INVS: variants seen among roughly 807,000 people sequenced by gnomAD.
INVS encodes inversion of embryo turning homolog.
Under a neutral mutation model 108.8 loss-of-function variants are expected in INVS, and 86 were observed. The observed-to-expected ratio is 0.79, with a 90% CI of 0.66 to 0.95. The LOEUF is 0.95. Among genes scored for constraint, INVS ranks in the 40% least tolerant of loss-of-function variants. The probability of loss-of-function intolerance (pLI) is 0.00; values close to 1 mark genes in which losing one functional copy is unlikely to be tolerated. For synonymous variants in INVS, 455 were observed against 473.5 expected, an observed-to-expected ratio of 0.96 and a Z score of 0.51; for missense variants, 1,169 against 1,297.4, an observed-to-expected ratio of 0.90 and a Z score of 1.52.
At position 100,292,807 on chromosome 9, in the gene INVS, G is replaced by C. The variant is rs1053930316; in HGVS notation, c.2550G>C (p.Gln850His). 7 of 1,614,044 alleles carry C rather than the reference G, an allele frequency of 4.3e-6. No homozygotes were observed. In the African/African-American group the frequency reaches 8.0e-5, roughly 18 times the overall value. Reference sequence around the variant, plus strand: ...GAGGGCTCTATTCACATTTGCCACAGAGCACAGAGGAGTTGAGGTCAGGAG... The same window carrying C: ...GAGGGCTCTATTCACATTTGCCACACAGCACAGAGGAGTTGAGGTCAGGAG... ...LTGGLYSHLP[Q>H]STEELRSGAR... Residue 850 changes from glutamine (Q) to histidine (H), a missense_variant, in exon 14 of 17, where the codon CAG becomes CAC. By Grantham distance (24) the Gln-to-His change is conservative (BLOSUM62 0). Coordinates refer to ENST00000262457, the MANE Select transcript of INVS (RefSeq NM_014425.5).
At chr9:100,150,828 T>C (rs957412977) in intron 3 of INVS, among the ~76,000 whole-genome samples, 12 of 152,150 alleles carry the variant, frequency 7.9e-5, no homozygotes, top group Non-Finnish European at 1.8e-4. Flanking sequence ...TCTTTGTACC[T>C]CCTTTAGCTG....
At chr9:100,297,465 C>T (rs1833823318) in intron 15 of INVS, among the ~76,000 whole-genome samples, 1 of 152,140 alleles carries the variant, frequency 6.6e-6, no homozygotes, top group Non-Finnish European at 1.5e-5. Context: ...CTTGAGTCTC[C>T]TCCTTGCATT....
chr9:100,191,150 G>GT (rs1393130799), intron 3 of INVS, among the ~76,000 whole-genome samples: 65 of 152,240 alleles, frequency 4.3e-4, no homozygotes, highest in Non-Finnish European at 1.0e-4. Flanking sequence ...TAGCTACTGG[G>GT]TCCAGCTGGT....
intron 3 of INVS, among the ~76,000 whole-genome samples, chr9:100,197,131 T>A (rs1830401409): frequency 1.3e-5 from 2 of 152,216 alleles, no homozygotes; most frequent in African/African-American, 4.8e-5. Context: ...CCCCTGAACT[T>A]CTGACCAAAC....
chr9:100,156,617 TG>T (rs1828992983), intron 3 of INVS, among the ~76,000 whole-genome samples: 1 of 152,152 alleles, frequency 6.6e-6, no homozygotes, highest in Non-Finnish European at 1.5e-5. Context: ...TTTCAAAAGT[TG>T]AAACTACATG....
chr9:100,221,420 G>A (rs1056754314), intron 3 of INVS, among the ~76,000 whole-genome samples: 7 of 151,708 alleles, frequency 4.6e-5, no homozygotes, highest in African/African-American at 1.2e-4. Context: ...TTCCCACTCC[G>A]GCCTCCCAGA....
chr9:100,269,415 A>C (rs1186443743), intron 11 of INVS, among the ~76,000 whole-genome samples: 1 of 152,152 alleles, frequency 6.6e-6, no homozygotes, highest in African/African-American at 2.4e-5. Context: ...ATCCACTTAT[A>C]AATAATGTTT....
chr9:100,185,835 A>G (rs747172884), intron 3 of INVS, among the ~76,000 whole-genome samples: 6 of 152,098 alleles, frequency 3.9e-5, no homozygotes, highest in Non-Finnish European at 8.8e-5. Context: ...TGCTTCACTT[A>G]GAATAATGGC....
intron 4 of INVS, among the ~76,000 whole-genome samples, chr9:100,227,340 A>C (rs1831360068): frequency 6.6e-6 from 1 of 152,158 alleles, no homozygotes; most frequent in South Asian, 2.1e-4. Flanking sequence ...TCAGTTTCTA[A>C]AGTTTTTAAT....
chr9:100,249,000 C>T (rs1037879253), intron 8 of INVS, among the ~76,000 whole-genome samples: 3 of 146,888 alleles, frequency 2.0e-5, no homozygotes, highest in Non-Finnish European at 4.5e-5. Flanking sequence ...TCAGCTTCTT[C>T]CCAAAGTGCT....
At chr9:100,117,044 G>A in intron 2 of INVS, 3 of 1,359,328 alleles carry the variant, frequency 2.2e-6, no homozygotes, top group Non-Finnish European at 2.0e-6. Context: ...CCTGGGTGCA[G>A]GGATGAGGCA....
At chr9:100,284,665 GT>G (rs1214982065) in intron 13 of INVS, 62 bp downstream of exon 13, 39 of 1,522,902 alleles carry the variant, frequency 2.6e-5, no homozygotes, top group Non-Finnish European at 3.4e-5. Flanking sequence ...TTTGATTGGT[GT>G]ATTTAGACCA....
chr9:100,286,747 A>G (rs1833456798), intron 13 of INVS, among the ~76,000 whole-genome samples: 1 of 152,196 alleles, frequency 6.6e-6, no homozygotes, highest in Non-Finnish European at 1.5e-5. Context: ...GGGCCTTTGC[A>G]GATGCCACTC....
At chr9:100,284,213 T>C in intron 12 of INVS, 107 bp from the exon 13 acceptor site, 1 of 1,323,396 alleles carries the variant, frequency 7.6e-7, no homozygotes. Flanking sequence ...AATTTCCAAA[T>C]ATCTCCTGTG....
At chr9:100,275,732 A>T (rs138373812) in intron 12 of INVS, among the ~76,000 whole-genome samples, 41 of 152,340 alleles carry the variant, frequency 2.7e-4, no homozygotes, top group African/African-American at 9.9e-4. Flanking sequence ...AACTTAAGTA[A>T]AGTGATTTCT....
At chr9:100,164,281 G>C (rs192240041) in intron 3 of INVS, among the ~76,000 whole-genome samples, 16 of 152,074 alleles carry the variant, frequency 1.1e-4, no homozygotes, top group Admixed American at 8.5e-4. Context: ...TACTCTCTTA[G>C]CAATTTTCAA....
Position 100,301,263 on chromosome 9 carries a change from G to T in INVS, c.*589G>T, listed in dbSNP as rs1396534129. 6.6e-6 allele frequency among the ~76,000 whole-genome samples: 1 copy of T among 151,804 alleles called. No homozygotes were observed. The highest frequency in any genetic ancestry group is 1.5e-5 in the Non-Finnish European group (1 of 67,956). ...TGCCCACTGTTTTCATTTAGAAATT[G>T]TCCAAAAGACCATAGATACATTCTG... On this transcript the variant is annotated 3_prime_UTR_variant, in exon 17 of 17. Transcript: ENST00000262457.
chr9:100,240,285 T>C (rs1200917775), intron 6 of INVS, 45 bp downstream of exon 6: 8 of 1,458,352 alleles, frequency 5.5e-6, no homozygotes, highest in African/African-American at 1.4e-5. Flanking sequence ...TTCATGAGTA[T>C]AGGAATATTT....
chr9:100,154,741 A>C (rs760729930), intron 3 of INVS, among the ~76,000 whole-genome samples: 2 of 151,974 alleles, frequency 1.3e-5, no homozygotes, highest in Non-Finnish European at 2.9e-5. Context: ...GGAGAAAAAT[A>C]TTTTCTTATA....
Sources: allele counts gnomAD v4.1 joint callset (sites outside exome capture counted in the v4.1 genomes callset), GRCh38; gene constraint gnomAD v4.1.1; transcripts MANE v1.5; gene names NCBI Gene and HGNC (gene_info 2026-07-23, HGNC 2026-07-21).